The following LAMC2 variants were observed in gnomAD, a reference collection of about 807,000 sequenced individuals.
LAMC2 encodes the protein laminin subunit gamma-2.
In LAMC2, 97 loss-of-function variants were observed where a neutral mutation model predicts 140.2. That is an observed-to-expected ratio of 0.69 (90% CI 0.59 to 0.82). The LOEUF (loss-of-function observed/expected upper bound fraction) is 0.82. Among genes scored for constraint, LAMC2 ranks in the 40% least tolerant of loss-of-function variants. The pLI is 0.00. For synonymous variants in LAMC2, 513 were observed against 540.2 expected (o/e 0.95, Z 0.70); for missense variants, 1,402 against 1,476.1 (o/e 0.95, Z 0.82).
chr1:183,258,049 A>G, the LAMC2 span, among the ~76,000 whole-genome samples: 3 of 152,170 alleles, frequency 2.0e-5, no homozygotes, highest in Non-Finnish European at 4.4e-5. Flanking sequence ...TGCTGGCCTC[A>G]AGAGTATGAA....
intron 2 of LAMC2, among the ~76,000 whole-genome samples, chr1:183,208,512 A>G (rs768683456): frequency 2.0e-5 from 3 of 152,202 alleles, no homozygotes; most frequent in Non-Finnish European, 2.9e-5. Context: ...ATCTGTTTCT[A>G]GTGCTGTGCT....
In LAMC2 at chr1:183,243,083, G is replaced by A. The variant is rs971626820; in HGVS notation, c.3329-64G>A. 6.3e-6 allele frequency: 10 copies of A among 1,585,570 alleles called. No individual in the cohort carries two copies. The East Asian group carries it at 6.7e-5, about 11-fold the overall frequency. On this transcript the variant is annotated intron_variant, in intron 22 of 22. Coordinates refer to ENST00000264144, the MANE Select transcript of LAMC2 (RefSeq NM_005562.3). Reference sequence around the variant, plus strand: ...ATTAGTTATGGGTATAGAAGGGCACGGGTGTTCAAGGAGATCTAACTACAG... The same window carrying A: ...ATTAGTTATGGGTATAGAAGGGCACAGGTGTTCAAGGAGATCTAACTACAG...
At chr1:183,237,561 A>T in intron 18 of LAMC2, 57 bp downstream of exon 18, 15 of 1,400,042 alleles carry the variant, frequency 1.1e-5, no homozygotes, top group Non-Finnish European at 1.3e-5. Context: ...CCACCATATG[A>T]ATAAATATGG....
At chr1:183,190,941 T>A (rs1286160708) in intron 1 of LAMC2, among the ~76,000 whole-genome samples, 1 of 152,228 alleles carries the variant, frequency 6.6e-6, no homozygotes, top group African/African-American at 2.4e-5. Context: ...TCCCTTAGTG[T>A]ATATTGTGAT....
intron 1 of LAMC2, among the ~76,000 whole-genome samples, chr1:183,188,066 A>G (rs1658209612): frequency 6.6e-6 from 1 of 152,230 alleles, no homozygotes; most frequent in African/African-American, 2.4e-5. Context: ...CAGGCTTAAG[A>G]GGACAGAGCT....
chr1:183,258,207 G>A, the LAMC2 span, among the ~76,000 whole-genome samples: 1 of 152,100 alleles, frequency 6.6e-6, no homozygotes, highest in Non-Finnish European at 1.5e-5. Flanking sequence ...CCTACTTCCT[G>A]TTCTCTCCTA....
Position 183,224,222 on chromosome 1 carries a change from C to A in LAMC2, c.953+898C>A, listed in dbSNP as rs183333258. On this transcript the variant is annotated intron_variant, in intron 7 of 22. Transcript: ENST00000264144. ...AGGGAGAAAAGTCAGAGAAGGGCAACCTTCACATGTGAATATATGTGGGGA... is the reference window on the plus strand; with the variant it reads ...AGGGAGAAAAGTCAGAGAAGGGCAAACTTCACATGTGAATATATGTGGGGA... 1.5e-4 allele frequency among the ~76,000 whole-genome samples: 23 copies of A among 152,082 alleles called. No homozygotes were observed. The East Asian group carries it at 4.4e-3, about 29-fold the overall frequency.
chr1:183,234,369 C>T lies in LAMC2; in HGVS notation c.2223C>T (p.Asn741=). 6.2e-7 allele frequency: 1 copy of T among 1,613,738 alleles called. No homozygotes were observed. The highest frequency in any genetic ancestry group is 1.7e-5 in the Admixed American group (1 of 60,018). The change falls in exon 15 of 23, where the codon AAC becomes AAT. Residue 741 remains asparagine, a splice_region_variant and synonymous_variant. Coordinates refer to ENST00000264144, the MANE Select transcript of LAMC2 (RefSeq NM_005562.3). ...AACCGATTCTCCTTTTCCCACAGAA[C>T]ATTCCTGCCTCAGACCACTACGTGG... ...AESEASLGNT[N]IPASDHYVGP... is the part of the protein sequence containing the mutation.
At chr1:183,221,560 C>T (rs956790552) in intron 5 of LAMC2, among the ~76,000 whole-genome samples, 1 of 151,900 alleles carries the variant, frequency 6.6e-6, no homozygotes, top group African/African-American at 2.4e-5. Flanking sequence ...AACCCCGTCC[C>T]TACTAAAAAT....
intron 2 of LAMC2, among the ~76,000 whole-genome samples, chr1:183,209,421 A>T (rs1037088071): frequency 1.3e-5 from 2 of 152,138 alleles, no homozygotes; most frequent in African/African-American, 2.4e-5. Flanking sequence ...CCCTGTGGTG[A>T]GATAGGCCCA....
At position 183,218,480 on chromosome 1, in the gene LAMC2, C is replaced by T. The variant is rs769152807; in HGVS notation, c.495C>T (p.Arg165=). Residue 165 remains arginine (R), a synonymous_variant, in exon 4 of 23, where the codon CGC becomes CGT. Coordinates refer to ENST00000264144, the MANE Select transcript of LAMC2 (RefSeq NM_005562.3). Reference sequence around the variant, plus strand: ...GCAAGCCAGCTGTCACTGGAGAACGCTGTGATAGGTCTGTGTGAACCGTGG... The same window carrying T: ...GCAAGCCAGCTGTCACTGGAGAACGTTGTGATAGGTCTGTGTGAACCGTGG... ...CVCKPAVTGE[R]CDRCRSGYYN... is the part of the protein sequence containing the mutation. 1.9e-6 allele frequency: 3 copies of T among 1,612,830 alleles called. No individual in the cohort carries two copies. The South Asian group carries it at 3.3e-5, about 18-fold the overall frequency.
At chr1:183,187,168 T>G (rs1405052008) in intron 1 of LAMC2, among the ~76,000 whole-genome samples, 2 of 152,244 alleles carry the variant, frequency 1.3e-5, no homozygotes, top group Admixed American at 6.5e-5. Flanking sequence ...TATGCCTGTA[T>G]AATTGCCCTG....
At chr1:183,246,737 G>C (rs1278287778), downstream of LAMC2, among the ~76,000 whole-genome samples, 1 of 152,206 alleles carries the variant, frequency 6.6e-6, no homozygotes, top group Non-Finnish European at 1.5e-5. Flanking sequence ...TCAAGGACCA[G>C]GAATGTGTTT....
chr1:183,243,455 G>T lies in LAMC2; in HGVS notation c.*55G>T. On this transcript the variant is annotated 3_prime_UTR_variant, in exon 23 of 23. Coordinates refer to ENST00000264144, the MANE Select transcript of LAMC2 (RefSeq NM_005562.3). ...TCTTGGGATACAGATCTCAGGGCTC[G>T]GGAGCCATGTCATGTGAGTGGGTGG... 6.2e-7 allele frequency: 1 copy of T among 1,610,028 alleles called. No individual in the cohort carries two copies. The highest frequency in any genetic ancestry group is 1.1e-5 in the South Asian group (1 of 90,908).
chr1:183,197,802 G>A (rs879815931), intron 1 of LAMC2, among the ~76,000 whole-genome samples: 3 of 152,186 alleles, frequency 2.0e-5, no homozygotes, highest in African/African-American at 4.8e-5. Flanking sequence ...CAACAATTAC[G>A]GTGGTTATTG....
chr1:183,252,755 G>A, the LAMC2 span: 1 of 1,605,598 alleles, frequency 6.2e-7, no homozygotes, highest in African/African-American at 1.3e-5. Flanking sequence ...TGCACAAGAA[G>A]AGATGACAAT....
At chr1:183,225,574 G>C in intron 7 of LAMC2, 34 bp from the exon 8 acceptor site, 1 of 1,423,948 alleles carries the variant, frequency 7.0e-7, no homozygotes, top group South Asian at 1.1e-5. Context: ...GGTAAGAATC[G>C]GATTTTTAAA....
the LAMC2 span, among the ~76,000 whole-genome samples, chr1:183,254,270 A>T: frequency 1.1e-4 from 17 of 152,148 alleles, no homozygotes; most frequent in Non-Finnish European, 1.5e-5. Context: ...CTTTTTGATA[A>T]TAGCTATTCT....
chr1:183,236,875 G>A (rs1364843597), intron 17 of LAMC2, among the ~76,000 whole-genome samples: 4 of 152,138 alleles, frequency 2.6e-5, no homozygotes, highest in Non-Finnish European at 2.9e-5. Flanking sequence ...GTTGAAACCT[G>A]TGGAAAATTT....
Sources: gnomAD v4.1 joint callset for allele counts (sites outside exome capture counted in the v4.1 genomes callset) on GRCh38, gnomAD v4.1.1 for gene constraint, MANE v1.5 for transcripts, NCBI Gene and HGNC (gene_info 2026-07-23, HGNC 2026-07-21) for gene names.